KRT23: variants seen among roughly 807,000 people sequenced by gnomAD.
KRT23 encodes keratin 23.
KRT23 carries 38 observed loss-of-function variants against 47.6 expected under a neutral mutation model. The ratio of observed to expected loss-of-function variants is 0.80; its 90% confidence interval spans 0.62 to 1.05. KRT23 has a LOEUF of 1.05. Among genes scored for constraint, KRT23 ranks in the 50% least tolerant of loss-of-function variants. KRT23 has a pLI of 0.00. For synonymous variants in KRT23, 191 were observed against 199.0 expected (o/e 0.96, Z 0.34); for missense variants, 503 against 529.5 (o/e 0.95, Z 0.49).
chr17:40,923,200 A>T (rs991217377), intron 8 of KRT23, 117 bp from the exon 9 acceptor site: 1 of 728,514 alleles, frequency 1.4e-6, no homozygotes, highest in African/African-American at 1.8e-5. Context: ...CCAAATGATC[A>T]CTAAGCAATG....
chr17:40,930,222 A>G, intron 3 of KRT23, 126 bp from the exon 4 acceptor site: 1 of 790,028 alleles, frequency 1.3e-6, no homozygotes, highest in Admixed American at 2.9e-5. Context: ...GAATACATAT[A>G]GGATGTCTTT....
rs368903518 is a variant in KRT23, at chr17:40,922,936, G to T, written c.*53C>A. 1.5e-6 allele frequency: 2 copies of T among 1,295,406 alleles called. No homozygotes were observed. Among genetic ancestry groups the T allele is most frequent in the African/African-American group, 1.5e-5 (1 of 68,598 alleles). 80.2% of individuals were successfully genotyped at this position (1,295,406 alleles called of 1,614,324 possible). A position where few individuals can be genotyped will look rare whatever the true frequency, so the allele number is the denominator to read the frequency against. ...ACTCACTCACTGGTGTCTGTGCAAGGACTTTCCTTGGGGGAAAATAGATTT... is the reference window on the plus strand; with the variant it reads ...ACTCACTCACTGGTGTCTGTGCAAGTACTTTCCTTGGGGGAAAATAGATTT... On this transcript the variant is annotated 3_prime_UTR_variant, in exon 9 of 9. Transcript: ENST00000209718.
intron 6 of KRT23, among the ~76,000 whole-genome samples, chr17:40,927,865 C>T (rs888568875): frequency 1.5e-4 from 23 of 152,064 alleles, no homozygotes; most frequent in Non-Finnish European, 3.4e-4. Context: ...CTAGAATCCC[C>T]CTTCCTCCAA....
At chr17:40,923,904 A>G (rs551864000) in intron 8 of KRT23, among the ~76,000 whole-genome samples, 16 of 152,370 alleles carry the variant, frequency 1.1e-4, no homozygotes, top group South Asian at 4.1e-4. Context: ...CTGAGAAAGC[A>G]TGTTTCCAGG....
chr17:40,936,074 A>C, intron 2 of KRT23, 134 bp downstream of exon 2: 5 of 926,974 alleles, frequency 5.4e-6, no homozygotes, highest in Non-Finnish European at 8.0e-6. Flanking sequence ...AACATCCCCC[A>C]AAACCTTTGT....
intron 2 of KRT23, among the ~76,000 whole-genome samples, chr17:40,933,568 T>C (rs932466142): frequency 3.9e-5 from 6 of 152,234 alleles, no homozygotes; most frequent in Non-Finnish European, 1.5e-5. Context: ...TATGGGCTTA[T>C]TTAGCTTTTC....
intron 6 of KRT23, 107 bp downstream of exon 6, chr17:40,928,131 T>C: frequency 7.2e-7 from 1 of 1,381,994 alleles, no homozygotes; most frequent in Non-Finnish European, 1.0e-6. Flanking sequence ...AAGTGGAAAG[T>C]GAGAGTTGTC....
intron 7 of KRT23, among the ~76,000 whole-genome samples, chr17:40,924,869 A>G (rs1909128626): frequency 6.6e-6 from 1 of 152,190 alleles, no homozygotes; most frequent in South Asian, 2.1e-4. Context: ...GTATTTTTAT[A>G]AAACTTCTAT....
chr17:40,926,555 CTGGCTTCCCTCTGTTCT>C (rs1292159769), intron 6 of KRT23, among the ~76,000 whole-genome samples: 1 of 152,236 alleles, frequency 6.6e-6, no homozygotes, highest in East Asian at 1.9e-4. Flanking sequence ...CATCTGGGTG[CTGGCTTCCCTCTGTTCT>C]TTTGTGTGAG....
In KRT23 at chr17:40,927,658, T is replaced by C. The variant is rs549276971; in HGVS notation, c.921+580A>G. On this transcript the variant is annotated intron_variant, in intron 6 of 8. Coordinates refer to ENST00000209718, the MANE Select transcript of KRT23 (RefSeq NM_015515.5). ...GCATTTTTCTAAACTGTGAAGATGA[T>C]AGAAATGACTTGGACACAAGAACTT... 7.9e-5 allele frequency among the ~76,000 whole-genome samples: 12 copies of C among 152,300 alleles called. No homozygotes were observed. The South Asian group carries it at 2.5e-3, about 32-fold the overall frequency.
chr17:40,936,883 C>CGGGTGT lies in KRT23; in HGVS notation c.-281_-280insACACCC, dbSNP rs1567809716. Reference sequence around the variant, plus strand: ...CCTGGTAACCCGGAGGTGTGGCCCACGACATCAGGCGGGTATTGGGCTCAG... The same window carrying CGGGTGT: ...CCTGGTAACCCGGAGGTGTGGCCCACGGGTGTGACATCAGGCGGGTATTGGGCTCAG... On this transcript the variant is annotated 5_prime_UTR_variant, in exon 2 of 9. Coordinates refer to ENST00000209718, the MANE Select transcript of KRT23 (RefSeq NM_015515.5). The CGGGTGT allele has an allele frequency of 2.9e-5, 11 of 374,452 alleles. 1 individual carries two copies. The highest frequency in any genetic ancestry group is 1.9e-4 in the African/African-American group (9 of 48,238). The allele number at this position is 374,452 out of a possible 1,614,324, so 23.2% of individuals were successfully genotyped here. A position where few individuals can be genotyped will look rare whatever the true frequency, so the allele number is the denominator to read the frequency against.
intron 2 of KRT23, 84 bp downstream of exon 2, chr17:40,936,124 T>C: frequency 6.9e-7 from 1 of 1,456,056 alleles, no homozygotes; most frequent in Non-Finnish European, 9.4e-7. Context: ...TTCCTGGAAA[T>C]TGTCTTCTGG....
intron 6 of KRT23, among the ~76,000 whole-genome samples, chr17:40,926,818 A>G (rs1345317692): frequency 6.6e-6 from 1 of 152,084 alleles, no homozygotes; most frequent in African/African-American, 2.4e-5. Context: ...CCTCCAAGGT[A>G]GCCTACAAAG....
At chr17:40,927,598 C>G (rs547876475) in intron 6 of KRT23, among the ~76,000 whole-genome samples, 1 of 145,414 alleles carries the variant, frequency 6.9e-6, no homozygotes, top group Non-Finnish European at 1.5e-5. Flanking sequence ...AAATGATAGA[C>G]CTTCATAAAT....
At position 40,925,449 on chromosome 17, in the gene KRT23, C is replaced by T; in HGVS notation, c.1047G>A (p.Arg349=). 1 of 1,614,154 alleles carries T rather than the reference C, an allele frequency of 6.2e-7. No homozygotes were observed. Among genetic ancestry groups the T allele is most frequent in the South Asian group, 1.1e-5 (1 of 91,080 alleles). Reference sequence around the variant, plus strand: ...GCAGCACTTGGTATTCATTGTTCTGCCGCTCCAGTTCATGGCGTAGCTGCG... The same window carrying T: ...GCAGCACTTGGTATTCATTGTTCTGTCGCTCCAGTTCATGGCGTAGCTGCG... ...ELTQLRHELE[R]QNNEYQVLLG... The change falls in exon 7 of 9, where the codon CGG becomes CGA. Residue 349 remains arginine (R), a synonymous_variant. Transcript: ENST00000209718.
chr17:40,928,301 G>A lies in KRT23; in HGVS notation c.858C>T (p.Asp286=), dbSNP rs571128550. The stretch of plus-strand genomic sequence containing the variant: ...GGAATGTGCGCTTCAGTTCGTGGAT[G>A]TCACCTTGTCTGCTCTGCACAGTGG... ...SPATVQSRQG[D]IHELKRTFQA... The change falls in exon 6 of 9, where the codon GAC becomes GAT. Residue 286 remains aspartate (D), a synonymous_variant. Coordinates refer to ENST00000209718, the MANE Select transcript of KRT23 (RefSeq NM_015515.5). 5.8e-5 allele frequency: 94 copies of A among 1,614,190 alleles called. 1 individual carries two copies. The South Asian group carries it at 1.0e-3, about 17-fold the overall frequency.
chr17:40,922,826 A>T lies in KRT23; in HGVS notation c.*163T>A. Reference sequence around the variant, plus strand: ...GATTAGAAAAGTGCAATATATTAAGAGCATTATGAGAAGTCTGGTGAGACT... The same window carrying T: ...GATTAGAAAAGTGCAATATATTAAGTGCATTATGAGAAGTCTGGTGAGACT... On this transcript the variant is annotated 3_prime_UTR_variant, in exon 9 of 9. Coordinates refer to ENST00000209718, the MANE Select transcript of KRT23 (RefSeq NM_015515.5). The T allele has an allele frequency of 1.7e-6, 1 of 585,264 alleles. No individual in the cohort carries two copies. The highest frequency in any genetic ancestry group is 3.0e-6 in the Non-Finnish European group (1 of 328,888). 36.3% of individuals were successfully genotyped at this position (585,264 alleles called of 1,614,324 possible). A position where few individuals can be genotyped will look rare whatever the true frequency, so the allele number is the denominator to read the frequency against.
intron 8 of KRT23, among the ~76,000 whole-genome samples, chr17:40,923,888 G>A (rs1248560990): frequency 6.6e-6 from 1 of 152,192 alleles, no homozygotes; most frequent in South Asian, 2.1e-4. Flanking sequence ...AGATATTAAA[G>A]GTAATCTGAG....
intron 4 of KRT23, among the ~76,000 whole-genome samples, chr17:40,929,027 C>CAAAAAA (rs3067615): frequency 1.4e-4 from 9 of 64,284 alleles, no homozygotes; most frequent in South Asian, 5.9e-4. Context: ...ACCCTGTCTC[C>CAAAAAA]AAAAAAAAAA....
Sources: gnomAD v4.1 joint callset for allele counts (sites outside exome capture counted in the v4.1 genomes callset) on GRCh38, gnomAD v4.1.1 for gene constraint, MANE v1.5 for transcripts, NCBI Gene and HGNC (gene_info 2026-07-23, HGNC 2026-07-21) for gene names.